PROKR2: variants seen among roughly 807,000 people sequenced by gnomAD.
The protein encoded by PROKR2 is G protein-coupled receptor 73-like 1.
Under a neutral mutation model 23.4 loss-of-function variants are expected in PROKR2, and 26 were observed. That is an observed-to-expected ratio of 1.11 (90% CI 0.81 to 1.54). PROKR2 has a LOEUF of 1.54. Ranked by LOEUF, PROKR2 falls within the 40% of genes most tolerant of loss-of-function variation. PROKR2 has a pLI of 0.00. For synonymous variants in PROKR2, 212 were observed against 201.2 expected, an observed-to-expected ratio of 1.05 and a Z score of -0.45; for missense variants, 453 against 511.5, an observed-to-expected ratio of 0.89 and a Z score of 1.10.
intron 1 of PROKR2, chr20:5,315,975 C>G (rs1410260298): frequency 2.2e-6 from 1 of 456,668 alleles, no homozygotes; most frequent in Admixed American, 2.3e-5. Context: ...TTCCAGCAGC[C>G]CCCTTCCCGC....
chr20:5,307,577 G>A (rs900112402), intron 2 of PROKR2, among the ~76,000 whole-genome samples: 7 of 152,234 alleles, frequency 4.6e-5, no homozygotes, highest in East Asian at 1.9e-4. Flanking sequence ...GCTGCGCAAC[G>A]AATCCTATGG....
intron 2 of PROKR2, among the ~76,000 whole-genome samples, chr20:5,303,889 C>T (rs1217809392): frequency 6.6e-6 from 1 of 152,084 alleles, no homozygotes; most frequent in African/African-American, 2.4e-5. Flanking sequence ...CTGGCGTCAG[C>T]GTAACAATGG....
chr20:5,315,880 C>T, intron 1 of PROKR2: 1 of 456,598 alleles, frequency 2.2e-6, no homozygotes, highest in South Asian at 1.5e-5. Context: ...AGCCCCCTAA[C>T]CCAAGACAAG....
chr20:5,310,385 G>C (rs1215802481), intron 2 of PROKR2, among the ~76,000 whole-genome samples: 2 of 152,066 alleles, frequency 1.3e-5, no homozygotes, highest in Non-Finnish European at 2.9e-5. Context: ...TCTGTAGTAG[G>C]ACAGGGAGGA....
At chr20:5,305,759 A>G (rs1389840325) in intron 2 of PROKR2, among the ~76,000 whole-genome samples, 4 of 152,220 alleles carry the variant, frequency 2.6e-5, no homozygotes, top group East Asian at 3.8e-4. Context: ...GGCTGTCTGC[A>G]TGGCCAATTC....
At position 5,300,193 on chromosome 20, in the gene PROKR2, T is replaced by TATA. The variant is rs11473844; in HGVS notation, c.*1844_*1846dup. On this transcript the variant is annotated 3_prime_UTR_variant, in exon 3 of 3. Coordinates refer to ENST00000678254, the MANE Select transcript of PROKR2 (RefSeq NM_144773.4). ...CGTGTACCTACAGTTACCACAAATGTATAATACAAACAGATTCAGAAGTGA... is the reference window on the plus strand; with the variant it reads ...CGTGTACCTACAGTTACCACAAATGTATAATAATACAAACAGATTCAGAAGTGA... Among the ~76,000 whole-genome samples the TATA allele has an allele frequency of 0.73, 110,880 of 151,788 alleles. 40,482 individuals carry two copies. The highest frequency in any genetic ancestry group is 0.77 in the South Asian group (3,707 of 4,820).
At chr20:5,304,607 T>C (rs1979148007) in intron 2 of PROKR2, among the ~76,000 whole-genome samples, 1 of 152,204 alleles carries the variant, frequency 6.6e-6, no homozygotes, top group Non-Finnish European at 1.5e-5. Flanking sequence ...CAAGTGGTCA[T>C]GCAGGATGAT....
Position 5,302,161 on chromosome 20 carries a change from T to C in PROKR2, c.1034A>G (p.Lys345Arg). 3 of 1,614,226 alleles carry C rather than the reference T, an allele frequency of 1.9e-6. No individual in the cohort carries two copies. In the South Asian group the frequency reaches 3.3e-5, roughly 18 times the overall value. The change falls in exon 3 of 3, where the codon AAG becomes AGG. Residue 345 changes from lysine to arginine, a missense_variant. Lys to Arg is a conservative substitution (Grantham distance 26, BLOSUM62 2). Coordinates refer to ENST00000678254, the MANE Select transcript of PROKR2 (RefSeq NM_144773.4). ...TVKNNTMKYF[K>R]KMMLLHWRPS... ...ACGCCAGTGCAGCAGCATCATCTTC[T>C]TGAAGTACTTCATGGTGTTGTTCTT...
At position 5,301,974 on chromosome 20, in the gene PROKR2, C is replaced by A. The variant is rs1294126987; in HGVS notation, c.*66G>T. 2.8e-6 allele frequency: 4 copies of A among 1,449,936 alleles called. No individual in the cohort carries two copies. In the African/African-American group the frequency reaches 5.6e-5, roughly 20 times the overall value. 89.8% of individuals were successfully genotyped at this position (1,449,936 alleles called of 1,614,324 possible). A position where few individuals can be genotyped will look rare whatever the true frequency, so the allele number is the denominator to read the frequency against. ...TGTCATTTCCCATGCAGCCTATGAA[C>A]TTGGTTGATGGTGGGTGATGCTCTG... is the stretch of plus-strand genomic sequence containing the variant. On this transcript the variant is annotated 3_prime_UTR_variant, in exon 3 of 3. Transcript: ENST00000678254.
At chr20:5,311,305 G>A (rs1267049553) in intron 2 of PROKR2, among the ~76,000 whole-genome samples, 1 of 152,164 alleles carries the variant, frequency 6.6e-6, no homozygotes, top group African/African-American at 2.4e-5. Context: ...AAAGGGTAAG[G>A]ATGATGGTAA....
At chr20:5,308,986 C>T (rs1979333147) in intron 2 of PROKR2, among the ~76,000 whole-genome samples, 1 of 152,170 alleles carries the variant, frequency 6.6e-6, no homozygotes, top group African/African-American at 2.4e-5. Context: ...GAAGCTGGAT[C>T]CTACCCCAAC....
chr20:5,300,703 A>ACCC lies in PROKR2; in HGVS notation c.*1334_*1336dup, dbSNP rs532813807. ...CTTGAGTCTTAGAGTTAGGACCTGA[A>ACCC]CCCAGGTCTTTGGATTCTAGGTAGA... On this transcript the variant is annotated 3_prime_UTR_variant, in exon 3 of 3. Transcript: ENST00000678254. 1.5e-3 allele frequency among the ~76,000 whole-genome samples: 234 copies of ACCC among 152,310 alleles called. No homozygotes were observed. Among genetic ancestry groups the ACCC allele is most frequent in the African/African-American group, 5.5e-3 (228 of 41,562 alleles).
In PROKR2 at chr20:5,316,204, C is replaced by T. The variant is rs888267507; in HGVS notation, c.-9+290G>A. 2 of 456,566 alleles carry T rather than the reference C, an allele frequency of 4.4e-6. No homozygotes were observed. The highest frequency in any genetic ancestry group is 8.8e-6 in the Non-Finnish European group (2 of 226,962). The allele number at this position is 456,566 out of a possible 1,614,324, so 28.3% of individuals were successfully genotyped here. A position where few individuals can be genotyped will look rare whatever the true frequency, so the allele number is the denominator to read the frequency against. ...AGGTGCCCCTCTACCTGCACCCTCC[C>T]CTGCAATTTGGAGCTCGTCCGCGAG... is the stretch of plus-strand genomic sequence containing the variant. On this transcript the variant is annotated intron_variant, in intron 1 of 2. Transcript: ENST00000678254. This position sits in a 1 kb window ranked among gnomAD's most constrained non-coding sequence, Gnocchi z 5.0.
rs748537591 is a variant in PROKR2, at chr20:5,314,403, G to A, written c.-8-26C>T. ...CTGCAAGAAAAGTGGTGTGAGGGAGGTGCGAGGGGTGAGGGTCCAGACCTT... is the reference window on the plus strand; with the variant it reads ...CTGCAAGAAAAGTGGTGTGAGGGAGATGCGAGGGGTGAGGGTCCAGACCTT... On this transcript the variant is annotated intron_variant, in intron 1 of 2. Transcript: ENST00000678254. 60 of 1,575,640 alleles carry A rather than the reference G, an allele frequency of 3.8e-5. No homozygotes were observed. In the South Asian group the frequency reaches 6.5e-4, roughly 17 times the overall value.
Position 5,302,070 on chromosome 20 carries a change from T to G in PROKR2, c.1125A>C (p.Thr375=), listed in dbSNP as rs746505197. ...TCAGCCTGATACAGTCCACCTCTTC[T>G]GTGGTGGGCACCCCGTTGGTTCTGA... ...LDLRTNGVPT[T]EEVDCIRLK Residue 375 remains threonine, a synonymous_variant, in exon 3 of 3, where the codon ACA becomes ACC. Coordinates refer to ENST00000678254, the MANE Select transcript of PROKR2 (RefSeq NM_144773.4). 1 of 1,614,170 alleles carries G rather than the reference T, an allele frequency of 6.2e-7. No homozygotes were observed. Among genetic ancestry groups the G allele is most frequent in the Non-Finnish European group, 8.5e-7 (1 of 1,180,010 alleles).
chr20:5,303,605 T>C (rs7263438), intron 2 of PROKR2, among the ~76,000 whole-genome samples: 17,791 of 152,198 alleles, frequency 0.12, 1,109 homozygotes, highest in Non-Finnish European at 0.12. Flanking sequence ...CTCATTTGTG[T>C]GGATTGAATA....
At position 5,302,248 on chromosome 20, in the gene PROKR2, T is replaced by G; in HGVS notation, c.947A>C (p.Tyr316Ser). ...GCTCATGGCGATGCACTCGACCACG[T>G]AGAAGGCAGTGAGGTAGTGCTTTTC... ...VKEKHYLTAFYVVECIAMSNS... is the reference protein window; with the variant it reads ...VKEKHYLTAFSVVECIAMSNS... Residue 316 changes from tyrosine to serine, a missense_variant, in exon 3 of 3, where the codon TAC becomes TCC. By Grantham distance (144) the Tyr-to-Ser change is moderately radical (BLOSUM62 -2). Coordinates refer to ENST00000678254, the MANE Select transcript of PROKR2 (RefSeq NM_144773.4). 1 of 1,614,212 alleles carries G rather than the reference T, an allele frequency of 6.2e-7. No individual in the cohort carries two copies. Among genetic ancestry groups the G allele is most frequent in the Non-Finnish European group, 8.5e-7 (1 of 1,180,034 alleles).
Position 5,302,490 on chromosome 20 carries a change from A to C in PROKR2, c.705T>G (p.Pro235=). Residue 235 remains proline, a synonymous_variant, in exon 3 of 3, where the codon CCT becomes CCG. Transcript: ENST00000678254. ...CATAGCACAGGGTCATGGTGACCAC[A>C]GGGCCCACGAACTCGACACCAAAGA... The part of the protein sequence containing the change: ...LFIFGVEFVG[P]VVTMTLCYAR... 5.0e-6 allele frequency: 8 copies of C among 1,614,216 alleles called. No individual in the cohort carries two copies. The highest frequency in any genetic ancestry group is 6.8e-6 in the Non-Finnish European group (8 of 1,180,040).
At position 5,302,037 on chromosome 20, in the gene PROKR2, G is replaced by C. The variant is rs755360044; in HGVS notation, c.*3C>G. 4.3e-6 allele frequency: 7 copies of C among 1,612,850 alleles called. No individual in the cohort carries two copies. In the Admixed American group the frequency reaches 8.3e-5, roughly 19 times the overall value. On this transcript the variant is annotated 3_prime_UTR_variant, in exon 3 of 3. Coordinates refer to ENST00000678254, the MANE Select transcript of PROKR2 (RefSeq NM_144773.4). ...GGGTTTTCAATTGTGTGACACCAGT[G>C]GGTCACTTCAGCCTGATACAGTCCA... is the stretch of plus-strand genomic sequence containing the variant.
Sources: allele counts gnomAD v4.1 joint callset (sites outside exome capture counted in the v4.1 genomes callset), GRCh38; gene constraint gnomAD v4.1.1; non-coding constraint Gnocchi (gnomAD v3.1); transcripts MANE v1.5; gene names NCBI Gene and HGNC (gene_info 2026-07-23, HGNC 2026-07-21).